The following ADARB2 variants were observed in gnomAD, a reference collection of about 807,000 sequenced individuals.
ADARB2 encodes inactive double-stranded RNA-specific editase B2.
A neutral mutation model predicts 62.2 loss-of-function variants in ADARB2; 25 were observed. That is an observed-to-expected ratio of 0.40 (90% CI 0.29 to 0.56). The LOEUF is 0.56. ADARB2 is among the 20% of genes least tolerant of loss of function. The pLI is 0.43. For missense variants in ADARB2, 1,071 were observed against 1,077.4 expected, an observed-to-expected ratio of 0.99 and a Z score of 0.08; for synonymous variants, 572 against 500.8, an observed-to-expected ratio of 1.14 and a Z score of -1.90.
intron 1 of ADARB2, among the ~76,000 whole-genome samples, chr10:1,648,092 T>C (rs779041708): frequency 2.0e-5 from 3 of 152,238 alleles, no homozygotes; most frequent in Non-Finnish European, 4.4e-5. Context: ...GCAGAAAGTT[T>C]AGGAAACTGA....
At chr10:1,516,288 A>G (rs957842317) in intron 1 of ADARB2, among the ~76,000 whole-genome samples, 13 of 152,266 alleles carry the variant, frequency 8.5e-5, no homozygotes, top group African/African-American at 3.1e-4. Context: ...TCCCAGGACA[A>G]TGGAGGCCGG....
At chr10:1,607,686 A>T (rs1266013294) in intron 1 of ADARB2, among the ~76,000 whole-genome samples, 3 of 152,180 alleles carry the variant, frequency 2.0e-5, no homozygotes, top group Non-Finnish European at 2.9e-5. Flanking sequence ...CCCTGCCCGC[A>T]GCGACATGCA....
At chr10:1,661,246 G>A (rs1834243498) in intron 1 of ADARB2, among the ~76,000 whole-genome samples, 1 of 152,040 alleles carries the variant, frequency 6.6e-6, no homozygotes, top group African/African-American at 2.4e-5. Flanking sequence ...CATTCCCCAG[G>A]CCCTGTCCCC....
At chr10:1,389,689 G>A (rs983428324) in intron 1 of ADARB2, among the ~76,000 whole-genome samples, 8 of 152,038 alleles carry the variant, frequency 5.3e-5, no homozygotes, top group Non-Finnish European at 1.2e-4. Context: ...GTTGCAGTGA[G>A]CTGAGATCGT....
chr10:1,225,983 T>C (rs1048540301), intron 6 of ADARB2, among the ~76,000 whole-genome samples: 3 of 152,220 alleles, frequency 2.0e-5, no homozygotes, highest in African/African-American at 7.2e-5. Flanking sequence ...GAAGTTCTCC[T>C]GGATAATATC....
rs1035564400 is a variant in ADARB2, at chr10:1,442,994, G to A, written c.101-63834C>T. Among the ~76,000 whole-genome samples the A allele has an allele frequency of 1.3e-4, 20 of 152,174 alleles. No homozygotes were observed. The South Asian group carries it at 1.7e-3, about 13-fold the overall frequency. On this transcript the variant is annotated intron_variant, in intron 1 of 9. Transcript: ENST00000381312. The stretch of plus-strand genomic sequence containing the variant: ...AATGAGATGGGACAAGAGCAAAGAG[G>A]GATGAAAACTACTTCAGCACAAAAG...
chr10:1,726,844 G>A (rs1378196082), intron 1 of ADARB2, among the ~76,000 whole-genome samples: 3 of 152,116 alleles, frequency 2.0e-5, no homozygotes, highest in Non-Finnish European at 4.4e-5. Context: ...AGACCTCAGG[G>A]GCTCACGCTG....
chr10:1,718,425 A>T (rs1236355444), intron 1 of ADARB2, among the ~76,000 whole-genome samples: 1 of 152,196 alleles, frequency 6.6e-6, no homozygotes, highest in African/African-American at 2.4e-5. Flanking sequence ...CCCTGGGAAC[A>T]CGGTGGGGAA....
intron 3 of ADARB2, among the ~76,000 whole-genome samples, chr10:1,276,183 T>C (rs11250381): frequency 0.1 from 15,905 of 152,192 alleles, 994 homozygotes; most frequent in South Asian, 0.19. Context: ...TTCCTGACTT[T>C]TTAATGATCA....
chr10:1,547,314 GGGGGAGAGAGAGGC>G (rs1832537516), intron 1 of ADARB2, among the ~76,000 whole-genome samples: 1 of 141,892 alleles, frequency 7.0e-6, no homozygotes, highest in Non-Finnish European at 1.5e-5. Flanking sequence ...GTACTGTGTT[GGGGGAGAGAGAGGC>G]TGTGCAGGTG....
intron 1 of ADARB2, among the ~76,000 whole-genome samples, chr10:1,627,489 A>G (rs1833785456): frequency 6.6e-6 from 1 of 152,146 alleles, no homozygotes; most frequent in South Asian, 2.1e-4. Flanking sequence ...TTAAACTTAA[A>G]TCTCAGTCCT....
intron 1 of ADARB2, among the ~76,000 whole-genome samples, chr10:1,423,473 G>GGTTCA (rs370490806): frequency 6.6e-6 from 1 of 151,850 alleles, no homozygotes; most frequent in African/African-American, 2.4e-5. Flanking sequence ...CGTGTTCATG[G>GGTTCA]TGCTAGGGGG....
chr10:1,293,235 A>AGAGAGGGACAGGGAGG (rs1831491859), intron 3 of ADARB2, among the ~76,000 whole-genome samples: 1 of 112,320 alleles, frequency 8.9e-6, no homozygotes, highest in African/African-American at 3.4e-5. Context: ...ACGGGGAGGG[A>AGAGAGGGACAGGGAGG]GAGAGGGACG....
In ADARB2 at chr10:1,242,176, C is replaced by T. The variant is rs770297391; in HGVS notation, c.1316G>A (p.Arg439Gln). The T allele has an allele frequency of 3.1e-6, 5 of 1,610,732 alleles. No homozygotes were observed. Among genetic ancestry groups the T allele is most frequent in the South Asian group, 1.1e-5 (1 of 90,904 alleles). The part of the protein sequence containing the change: ...NDCHAEVVAR[R>Q]AFLHFLYTQL... ...CGTGTAGAGGAAGTGCAGGAACGCC[C>T]GCCGGGCCACGACCTCCGCGTGGCA... The change falls in exon 5 of 10, where the codon CGG (arginine) becomes CAG (glutamine). Residue 439 changes from arginine to glutamine, a missense_variant. Transcript: ENST00000381312.
chr10:1,191,419 A>C (rs1288985419), intron 8 of ADARB2, among the ~76,000 whole-genome samples: 1 of 152,172 alleles, frequency 6.6e-6, no homozygotes, highest in Non-Finnish European at 1.5e-5. Context: ...AGCCCAAGGA[A>C]GGGTGAGGAA....
intron 1 of ADARB2, among the ~76,000 whole-genome samples, chr10:1,526,311 A>G (rs1448255872): frequency 6.6e-6 from 1 of 152,050 alleles, no homozygotes; most frequent in Non-Finnish European, 1.5e-5. Flanking sequence ...CTAGTCTTGT[A>G]GAGGAGGCAA....
intron 1 of ADARB2, among the ~76,000 whole-genome samples, chr10:1,709,643 AG>A (rs995016244): frequency 3.9e-5 from 6 of 152,186 alleles, no homozygotes; most frequent in Admixed American, 6.5e-5. Flanking sequence ...TGAGCTTCCA[AG>A]GGGGGAACAT....
intron 1 of ADARB2, among the ~76,000 whole-genome samples, chr10:1,442,066 C>T (rs1318961966): frequency 2.6e-5 from 4 of 152,148 alleles, no homozygotes; most frequent in Admixed American, 6.5e-5. Context: ...CTAACTTGCC[C>T]ATAACTATAA....
intron 8 of ADARB2, among the ~76,000 whole-genome samples, chr10:1,185,505 C>A (rs894054969): frequency 3.3e-5 from 5 of 151,522 alleles, no homozygotes; most frequent in African/African-American, 1.2e-4. Context: ...AAAAACAAAA[C>A]AAAACAAAAC....
Sources: gnomAD v4.1 joint callset for allele counts (sites outside exome capture counted in the v4.1 genomes callset) on GRCh38, gnomAD v4.1.1 for gene constraint, MANE v1.5 for transcripts, NCBI Gene and HGNC (gene_info 2026-07-23, HGNC 2026-07-21) for gene names.